XKR9: variants seen among roughly 807,000 people sequenced by gnomAD.
The protein encoded by XKR9 is XK related 9, also known as XK-related protein 9.
In XKR9, 32 loss-of-function variants were observed where a neutral mutation model predicts 32.0. The observed-to-expected ratio is 1.00, with a 90% CI of 0.76 to 1.34. The LOEUF is 1.34. Among genes scored for constraint, XKR9 ranks in the 40% most tolerant of loss-of-function variants. The probability of loss-of-function intolerance (pLI) is 0.00; values close to 1 mark genes in which losing one functional copy is unlikely to be tolerated. For missense variants in XKR9, 546 were observed against 429.7 expected, an observed-to-expected ratio of 1.27 and a Z score of -2.39; for synonymous variants, 168 against 143.4, an observed-to-expected ratio of 1.17 and a Z score of -1.22.
the XKR9 span, among the ~76,000 whole-genome samples, chr8:70,855,563 A>G: frequency 6.6e-6 from 1 of 152,266 alleles, no homozygotes. Flanking sequence ...GCAGGATATT[A>G]TCCAGGAGAA....
the XKR9 span, among the ~76,000 whole-genome samples, chr8:70,816,926 T>C: frequency 1.3e-5 from 2 of 152,100 alleles, no homozygotes. Context: ...CCACATTCTT[T>C]AATGATAAAA....
chr8:70,730,458 G>T (rs1806626760), intron 4 of XKR9, among the ~76,000 whole-genome samples: 1 of 151,968 alleles, frequency 6.6e-6, no homozygotes, highest in South Asian at 2.1e-4. Context: ...AGCCAGAACT[G>T]CCAATAATTC....
At chr8:70,826,804 C>T in the XKR9 span, among the ~76,000 whole-genome samples, 1 of 152,116 alleles carries the variant, frequency 6.6e-6, no homozygotes, top group Non-Finnish European at 1.5e-5. Flanking sequence ...AAATGCTCTG[C>T]TCTCAACATA....
the XKR9 span, among the ~76,000 whole-genome samples, chr8:70,807,233 C>A: frequency 6.6e-6 from 1 of 152,088 alleles, no homozygotes; most frequent in African/African-American, 2.4e-5. Context: ...TCATTACTAC[C>A]AGGCCTGCCT....
At chr8:70,673,213 C>T (rs1339449866) in intron 1 of XKR9, among the ~76,000 whole-genome samples, 1 of 152,156 alleles carries the variant, frequency 6.6e-6, no homozygotes, top group Non-Finnish European at 1.5e-5. Context: ...TTTAATCCTT[C>T]TTGAGTTGGC....
the XKR9 span, among the ~76,000 whole-genome samples, chr8:71,037,505 T>A: frequency 6.6e-6 from 1 of 152,212 alleles, no homozygotes; most frequent in East Asian, 1.9e-4. Flanking sequence ...CTCTTGGGAA[T>A]CATGCCTCCT....
chr8:70,731,079 T>G (rs1365149365), intron 4 of XKR9, among the ~76,000 whole-genome samples: 2 of 152,210 alleles, frequency 1.3e-5, no homozygotes, highest in Non-Finnish European at 2.9e-5. Context: ...AAAAGCAGCC[T>G]TATAGGGGCC....
At chr8:71,042,393 A>G in the XKR9 span, among the ~76,000 whole-genome samples, 1 of 152,154 alleles carries the variant, frequency 6.6e-6, no homozygotes. Flanking sequence ...AGCTTGGGTT[A>G]GAAACTGGGT....
the XKR9 span, among the ~76,000 whole-genome samples, chr8:70,877,198 A>C: frequency 1.3e-5 from 2 of 152,144 alleles, no homozygotes; most frequent in Admixed American, 1.3e-4. Context: ...CTCATTCACT[A>C]TCACAAGAAC....
intron 4 of XKR9, among the ~76,000 whole-genome samples, chr8:70,733,403 A>G (rs989291656): frequency 2.4e-4 from 36 of 152,028 alleles, no homozygotes; most frequent in African/African-American, 8.0e-4. Context: ...CAGTCAAAAC[A>G]TCTAGAAAAA....
chr8:70,749,417 A>C (rs1807103257), intron 2 of XKR9, among the ~76,000 whole-genome samples: 1 of 149,132 alleles, frequency 6.7e-6, no homozygotes, highest in Non-Finnish European at 1.5e-5. Flanking sequence ...TTCTGTGGTT[A>C]CCTGTGCCTC....
chr8:70,739,707 T>C (rs1271415767), downstream of XKR9, among the ~76,000 whole-genome samples: 1 of 152,182 alleles, frequency 6.6e-6, no homozygotes, highest in Non-Finnish European at 1.5e-5. Flanking sequence ...TAAAGTATTT[T>C]ATTTCTCCTT....
chr8:71,050,304 G>GATATAGATATAT, the XKR9 span, among the ~76,000 whole-genome samples: 6 of 131,706 alleles, frequency 4.6e-5, no homozygotes, highest in African/African-American at 1.5e-4. Context: ...TATATATATA[G>GATATAGATATAT]ATATAGATAT....
the XKR9 span, among the ~76,000 whole-genome samples, chr8:70,983,782 A>AAAATAAAT: frequency 9.8e-3 from 1,471 of 150,196 alleles, 29 homozygotes; most frequent in African/African-American, 0.033. Context: ...ACTTCATCTC[A>AAAATAAAT]AAATAAATAA....
intron 2 of XKR9, among the ~76,000 whole-genome samples, chr8:70,762,444 T>C (rs1042712537): frequency 6.6e-6 from 1 of 152,148 alleles, no homozygotes; most frequent in Non-Finnish European, 1.5e-5. Flanking sequence ...TTCTGTCCCA[T>C]AAGCCACAGC....
intron 2 of XKR9, among the ~76,000 whole-genome samples, chr8:70,678,454 A>T (rs1401539678): frequency 6.6e-6 from 1 of 152,198 alleles, no homozygotes; most frequent in Non-Finnish European, 1.5e-5. Flanking sequence ...TATAAGTTCC[A>T]CAGGGGCAGG....
At chr8:70,820,866 G>A in the XKR9 span, among the ~76,000 whole-genome samples, 2 of 152,222 alleles carry the variant, frequency 1.3e-5, no homozygotes, top group South Asian at 4.2e-4. Flanking sequence ...TATAATTCCT[G>A]ATAATATTTG....
At chr8:70,789,767 T>C (rs1807739671) in intron 3 of XKR9, among the ~76,000 whole-genome samples, 1 of 152,074 alleles carries the variant, frequency 6.6e-6, no homozygotes, top group Non-Finnish European at 1.5e-5. Context: ...AAAGTCATCT[T>C]GTGGAATGTA....
chr8:70,964,212 T>C, the XKR9 span, among the ~76,000 whole-genome samples: 6 of 152,222 alleles, frequency 3.9e-5, no homozygotes, highest in Admixed American at 2.6e-4. Context: ...CAGAACCATT[T>C]ATTAAATAAG....
Sources: allele counts gnomAD v4.1 joint callset (sites outside exome capture counted in the v4.1 genomes callset), GRCh38; gene constraint gnomAD v4.1.1; transcripts MANE v1.5; gene names NCBI Gene and HGNC (gene_info 2026-07-23, HGNC 2026-07-21).